The following UNC5D variants were observed in gnomAD, a reference collection of about 807,000 sequenced individuals.
UNC5D encodes the protein netrin receptor UNC5D.
UNC5D carries 39 observed loss-of-function variants against 105.4 expected under a neutral mutation model. The ratio of observed to expected loss-of-function variants is 0.37; its 90% CI spans 0.29 to 0.48. The LOEUF is 0.48. Among genes scored for constraint, UNC5D ranks in the 20% least tolerant of loss-of-function variants. The probability of loss-of-function intolerance (pLI) is 0.98; values close to 1 mark genes in which losing one functional copy is unlikely to be tolerated. For missense variants in UNC5D, 991 were observed against 1,202.4 expected, an observed-to-expected ratio of 0.82 and a Z score of 2.60; for synonymous variants, 452 against 450.4, an observed-to-expected ratio of 1.00 and a Z score of -0.04.
Position 35,750,727 on chromosome 8 carries a change from C to A in UNC5D, c.2081C>A (p.Ala694Glu). ...TGTGCCGTGAAGCAACTGAAGGTGG[C>A]GGTTTTTGGCTGCATGTCCTGTAAC... ...TDCAVKQLKV[A>E]VFGCMSCNSL... The change falls in exon 13 of 17, where the codon GCG becomes GAG. Residue 694 changes from alanine (A) to glutamate (E), a missense_variant. Transcript: ENST00000404895. 4 of 1,614,074 alleles carry A rather than the reference C, an allele frequency of 2.5e-6. No homozygotes were observed. Among genetic ancestry groups the A allele is most frequent in the Non-Finnish European group, 3.4e-6 (4 of 1,180,000 alleles).
chr8:35,290,485 G>C lies in UNC5D; in HGVS notation c.103+54598G>C, dbSNP rs554674763. On this transcript the variant is annotated intron_variant, in intron 1 of 16. Coordinates refer to ENST00000404895, the MANE Select transcript of UNC5D (RefSeq NM_080872.4). ...ACCAGAGGCTGGGGTAAGGGTAGGGGGTTGGGGAGGGAGGGAATGAGAAGT... is the reference window on the plus strand; with the variant it reads ...ACCAGAGGCTGGGGTAAGGGTAGGGCGTTGGGGAGGGAGGGAATGAGAAGT... Among the ~76,000 whole-genome samples the C allele has an allele frequency of 3.4e-3, 523 of 152,084 alleles. 6 individuals carry two copies. Among genetic ancestry groups the C allele is most frequent in the African/African-American group, 0.012 (508 of 41,504 alleles).
In UNC5D at chr8:35,699,473, C is replaced by T. The variant is rs1247442220; in HGVS notation, c.1085-6456C>T. The stretch of plus-strand genomic sequence containing the variant: ...TGTCAATAGAACCGTTTTTCATTTA[C>T]TAATGTGCATCTCAACTCATAGAAG... On this transcript the variant is annotated intron_variant, in intron 7 of 16. Coordinates refer to ENST00000404895, the MANE Select transcript of UNC5D (RefSeq NM_080872.4). Among the ~76,000 whole-genome samples, 9 of 152,236 alleles carry T rather than the reference C, an allele frequency of 5.9e-5. No homozygotes were observed. The East Asian group carries it at 1.7e-3, about 29-fold the overall frequency.
rs1358475023 is a variant in UNC5D at position 35,460,871 on chromosome 8, G to A, written c.104-88421G>A. On this transcript the variant is annotated intron_variant, in intron 1 of 16. Transcript: ENST00000404895. Reference sequence around the variant, plus strand: ...GAAAGCTCATTTGTCCTCACCATCAGCAACAGTGAATTACTCTATTTATGT... The same window carrying A: ...GAAAGCTCATTTGTCCTCACCATCAACAACAGTGAATTACTCTATTTATGT... 5.9e-5 allele frequency among the ~76,000 whole-genome samples: 9 copies of A among 152,146 alleles called. No homozygotes were observed. The East Asian group carries it at 1.5e-3, about 26-fold the overall frequency.
At chr8:35,473,852 T>C (rs1309652696) in intron 1 of UNC5D, among the ~76,000 whole-genome samples, 3 of 152,198 alleles carry the variant, frequency 2.0e-5, no homozygotes, top group African/African-American at 7.2e-5. Flanking sequence ...ATGTGTTAAT[T>C]TATTAACAGA....
At chr8:35,400,570 G>A (rs1158089192) in intron 1 of UNC5D, among the ~76,000 whole-genome samples, 1 of 152,088 alleles carries the variant, frequency 6.6e-6, no homozygotes, top group Non-Finnish European at 1.5e-5. Context: ...ACAAAACCCT[G>A]CACTCACCTC....
intron 1 of UNC5D, among the ~76,000 whole-genome samples, chr8:35,387,033 GCAGCAT>G (rs1479053367): frequency 6.6e-6 from 1 of 151,962 alleles, no homozygotes; most frequent in Admixed American, 6.6e-5. Context: ...TGCTGTAGTG[GCAGCAT>G]CAGCATCACC....
In UNC5D at chr8:35,774,419, A is replaced by AC; in HGVS notation, c.2604dup (p.Asn869GlnfsTer28). The AC allele has an allele frequency of 6.2e-7, 1 of 1,614,074 alleles. No homozygotes were observed. Among genetic ancestry groups the AC allele is most frequent in the Non-Finnish European group, 8.5e-7 (1 of 1,180,000 alleles). On this transcript the variant is annotated frameshift_variant, in exon 16 of 17. Transcript: ENST00000404895. LOFTEE classifies it high-confidence loss of function. ...ACAGCGGATTTGTGCTACATTTGAT[A>AC]CCCCCAATGCCAAAGGCAAGGACTG...
At chr8:35,663,964 A>C (rs955338459) in intron 4 of UNC5D, among the ~76,000 whole-genome samples, 3 of 152,314 alleles carry the variant, frequency 2.0e-5, no homozygotes, top group Admixed American at 6.5e-5. Context: ...AGTTGTAACC[A>C]CCAGCCAGAT....
intron 13 of UNC5D, among the ~76,000 whole-genome samples, chr8:35,756,449 C>A (rs1830523763): frequency 6.7e-6 from 1 of 149,708 alleles, no homozygotes; most frequent in Admixed American, 6.7e-5. Context: ...AACTCTAGGG[C>A]AAATATAGAT....
chr8:35,763,219 C>G (rs551925813), intron 14 of UNC5D, among the ~76,000 whole-genome samples: 2 of 152,224 alleles, frequency 1.3e-5, no homozygotes, highest in African/African-American at 4.8e-5. Context: ...GTCTTAAAAT[C>G]AGATTTTTTA....
intron 1 of UNC5D, among the ~76,000 whole-genome samples, chr8:35,243,236 T>G (rs1802902178): frequency 6.6e-6 from 1 of 152,186 alleles, no homozygotes; most frequent in Non-Finnish European, 1.5e-5. Flanking sequence ...GTAAGAATAT[T>G]TTTAAAATGC....
chr8:35,415,002 A>G (rs1805440802), intron 1 of UNC5D, among the ~76,000 whole-genome samples: 1 of 151,976 alleles, frequency 6.6e-6, no homozygotes, highest in Non-Finnish European at 1.5e-5. Context: ...TATCCAGGGA[A>G]CCTTAAGGTA....
intron 1 of UNC5D, among the ~76,000 whole-genome samples, chr8:35,462,777 G>A (rs4739409): frequency 0.84 from 128,300 of 152,100 alleles, 54,630 homozygotes; most frequent in Non-Finnish European, 0.91. Flanking sequence ...AAATTACTTC[G>A]TTCTTGCCAA....
At chr8:35,541,850 TA>T (rs968673347) in intron 1 of UNC5D, among the ~76,000 whole-genome samples, 39 of 151,636 alleles carry the variant, frequency 2.6e-4, no homozygotes, top group East Asian at 5.8e-4. Context: ...TGCGTCTATT[TA>T]AAAAAAAATA....
At chr8:35,713,808 A>G (rs1360660992) in intron 8 of UNC5D, among the ~76,000 whole-genome samples, 1 of 152,220 alleles carries the variant, frequency 6.6e-6, no homozygotes, top group Non-Finnish European at 1.5e-5. Flanking sequence ...AAAGTCTGCA[A>G]AAGTACATGG....
intron 4 of UNC5D, among the ~76,000 whole-genome samples, chr8:35,612,403 G>C (rs570560358): frequency 2.0e-5 from 3 of 152,044 alleles, no homozygotes; most frequent in East Asian, 1.9e-4. Context: ...CCAAATTTGG[G>C]GGTGACAGGG....
At chr8:35,475,527 C>T (rs1481463266) in intron 1 of UNC5D, among the ~76,000 whole-genome samples, 2 of 152,164 alleles carry the variant, frequency 1.3e-5, no homozygotes, top group Admixed American at 1.3e-4. Context: ...GTAGTCTTTC[C>T]CAGGGATTTC....
At chr8:35,786,784 T>C (rs1044536490) in intron 16 of UNC5D, among the ~76,000 whole-genome samples, 2 of 152,128 alleles carry the variant, frequency 1.3e-5, no homozygotes, top group African/African-American at 2.4e-5. Flanking sequence ...CTACTAGCTA[T>C]GGAAACCTAC....
intron 8 of UNC5D, among the ~76,000 whole-genome samples, chr8:35,720,846 T>C (rs1828542347): frequency 6.6e-6 from 1 of 152,180 alleles, no homozygotes. Flanking sequence ...GCTGTTTTTT[T>C]TTTTTTGATG....
Sources: allele counts gnomAD v4.1 joint callset (sites outside exome capture counted in the v4.1 genomes callset), GRCh38; gene constraint gnomAD v4.1.1; transcripts MANE v1.5; gene names NCBI Gene and HGNC (gene_info 2026-07-23, HGNC 2026-07-21).